The following IQCK variants were observed in gnomAD, a reference collection of about 807,000 sequenced individuals.
IQCK encodes the protein IQ domain-containing protein K.
In IQCK, 29 loss-of-function variants were observed where a neutral mutation model predicts 28.1. The ratio of observed to expected loss-of-function variants is 1.03; its 90% CI spans 0.77 to 1.41. The LOEUF is 1.41. Among genes scored for constraint, IQCK ranks in the 40% most tolerant of loss-of-function variants. IQCK has a pLI of 0.00. For missense variants in IQCK, 359 were observed against 314.7 expected (o/e 1.14, Z -1.07); for synonymous variants, 113 against 115.1 (o/e 0.98, Z 0.12).
At chr16:19,819,971 G>T (rs538704095) in intron 7 of IQCK, among the ~76,000 whole-genome samples, 2 of 151,926 alleles carry the variant, frequency 1.3e-5, no homozygotes, top group Non-Finnish European at 2.9e-5. Context: ...ATAAGGGTGC[G>T]AAGACCATTC....
intron 6 of IQCK, among the ~76,000 whole-genome samples, chr16:19,786,370 C>T (rs997322612): frequency 6.7e-6 from 1 of 150,270 alleles, no homozygotes; most frequent in Non-Finnish European, 1.5e-5. Flanking sequence ...ATAGCGAGAC[C>T]CTGTCTCTAC....
At chr16:19,817,986 A>T (rs978212177) in intron 7 of IQCK, among the ~76,000 whole-genome samples, 1 of 152,206 alleles carries the variant, frequency 6.6e-6, no homozygotes, top group South Asian at 2.1e-4. Flanking sequence ...GTTTATTCTC[A>T]TGAAGGTTAT....
chr16:19,773,036 G>A (rs2055339589), intron 6 of IQCK, among the ~76,000 whole-genome samples: 1 of 152,056 alleles, frequency 6.6e-6, no homozygotes, highest in African/African-American at 2.4e-5. Context: ...ACATTAAAAT[G>A]AGATTGTTCA....
At chr16:19,778,263 T>C (rs1470726552) in intron 6 of IQCK, among the ~76,000 whole-genome samples, 1 of 152,186 alleles carries the variant, frequency 6.6e-6, no homozygotes, top group East Asian at 1.9e-4. Flanking sequence ...GACCCATTCC[T>C]TGTGACTGGC....
chr16:19,828,624 C>G (rs2056183581), downstream of IQCK, among the ~76,000 whole-genome samples: 1 of 151,084 alleles, frequency 6.6e-6, no homozygotes, highest in African/African-American at 2.4e-5. Flanking sequence ...GTAATGTAAT[C>G]CTAGGACTTC....
exon 10 of IQCK, chr16:19,857,891 G>A (rs1056961561): frequency 6.5e-6 from 1 of 153,126 alleles, no homozygotes; most frequent in Non-Finnish European, 1.5e-5. Context: ...ACCTCCAGTG[G>A]GGAGAAATCC....
intron 7 of IQCK, among the ~76,000 whole-genome samples, chr16:19,808,898 TCCAGG>T (rs2055865583): frequency 6.6e-6 from 1 of 152,216 alleles, no homozygotes; most frequent in Non-Finnish European, 1.5e-5. Flanking sequence ...ACTCTTGTTG[TCCAGG>T]CTGGAGTGCA....
intron 9 of IQCK, among the ~76,000 whole-genome samples, chr16:19,851,322 G>A (rs1666229920): frequency 6.6e-6 from 1 of 152,156 alleles, no homozygotes; most frequent in African/African-American, 2.4e-5. Context: ...TGGAGATTCT[G>A]TTTCTAAAGG....
In IQCK at chr16:19,825,496, G is replaced by A. The variant is rs980061707; in HGVS notation, c.691-1530G>A. The stretch of plus-strand genomic sequence containing the variant: ...GATTGCACCATTGCACTCCAGCCTG[G>A]GCAGCAAGAACGAAACTCCATCTCA... On this transcript the variant is annotated intron_variant, in intron 7 of 7. Coordinates refer to ENST00000564186, the Ensembl canonical transcript of IQCK. This position sits in a 1 kb window ranked among gnomAD's most constrained non-coding sequence, Gnocchi z 4.2. 2.0e-5 allele frequency among the ~76,000 whole-genome samples: 3 copies of A among 151,390 alleles called. No individual in the cohort carries two copies. The highest frequency in any genetic ancestry group is 7.3e-5 in the African/African-American group (3 of 41,148).
At chr16:19,829,338 CTT>C (rs879746539), downstream of IQCK, among the ~76,000 whole-genome samples, 5 of 142,780 alleles carry the variant, frequency 3.5e-5, no homozygotes, top group Admixed American at 7.1e-5. Context: ...CTTCCTATTC[CTT>C]TTTTTTTTTT....
intron 6 of IQCK, among the ~76,000 whole-genome samples, chr16:19,765,615 G>T (rs2055222858): frequency 6.6e-6 from 1 of 152,058 alleles, no homozygotes; most frequent in South Asian, 2.1e-4. Context: ...ATACCAAGAT[G>T]AATAGACCCT....
intron 1 of IQCK, among the ~76,000 whole-genome samples, chr16:19,724,326 C>T (rs573862764): frequency 2.0e-5 from 3 of 152,214 alleles, no homozygotes; most frequent in East Asian, 1.9e-4. Context: ...CTTATCATAA[C>T]CCCTGGTTTA....
chr16:19,750,609 G>A (rs1230758970), intron 4 of IQCK, among the ~76,000 whole-genome samples: 4 of 150,924 alleles, frequency 2.7e-5, no homozygotes, highest in Admixed American at 6.6e-5. Flanking sequence ...CTATAGGTGT[G>A]TGCCACCATG....
At chr16:19,752,874 A>G (rs989381696) in intron 4 of IQCK, among the ~76,000 whole-genome samples, 5 of 152,144 alleles carry the variant, frequency 3.3e-5, no homozygotes, top group African/African-American at 1.2e-4. Flanking sequence ...CTTTTAAAAA[A>G]TGTAGACAAG....
chr16:19,727,215 T>A (rs1404373364), intron 1 of IQCK, among the ~76,000 whole-genome samples: 1 of 152,016 alleles, frequency 6.6e-6, no homozygotes, highest in Non-Finnish European at 1.5e-5. Flanking sequence ...ATATGAGTTA[T>A]GAAGAAAAAG....
chr16:19,836,095 A>C (rs2056293037), intron 9 of IQCK, among the ~76,000 whole-genome samples: 1 of 152,222 alleles, frequency 6.6e-6, no homozygotes, highest in African/African-American at 2.4e-5. Context: ...GAGAATTCTT[A>C]TGCCTTAGTA....
intron 7 of IQCK, among the ~76,000 whole-genome samples, chr16:19,806,245 T>G (rs1035232175): frequency 6.6e-6 from 1 of 151,852 alleles, no homozygotes; most frequent in Non-Finnish European, 1.5e-5. Context: ...CTGGGCATGG[T>G]GGTAGAGGCT....
intron 6 of IQCK, among the ~76,000 whole-genome samples, chr16:19,779,214 A>G (rs1236194067): frequency 1.3e-5 from 2 of 152,222 alleles, no homozygotes; most frequent in East Asian, 3.8e-4. Flanking sequence ...TCAACCTAAT[A>G]GTGCATACAG....
intron 7 of IQCK, among the ~76,000 whole-genome samples, chr16:19,824,234 G>A (rs2056113466): frequency 6.6e-6 from 1 of 152,192 alleles, no homozygotes. Flanking sequence ...GATGGGAGAT[G>A]GTGACAGATC....
Sources: allele counts gnomAD v4.1 joint callset (sites outside exome capture counted in the v4.1 genomes callset), GRCh38; gene constraint gnomAD v4.1.1; non-coding constraint Gnocchi (gnomAD v3.1); transcripts MANE v1.5; gene names NCBI Gene and HGNC (gene_info 2026-07-23, HGNC 2026-07-21).